COX16: variants seen among roughly 807,000 people sequenced by gnomAD.
The protein encoded by COX16 is cytochrome c oxidase assembly factor COX16.
Under a neutral mutation model 15.4 loss-of-function variants are expected in COX16, and 12 were observed. That is an observed-to-expected ratio of 0.78 (90% confidence interval 0.50 to 1.26). The LOEUF is 1.26. Among genes scored for constraint, COX16 ranks in the 50% most tolerant of loss-of-function variants. The probability of loss-of-function intolerance (pLI) is 0.00; values close to 1 mark genes in which losing one functional copy is unlikely to be tolerated. For synonymous variants in COX16, 46 were observed against 41.1 expected (o/e 1.12, Z -0.46); for missense variants, 124 against 127.6 (o/e 0.97, Z 0.14).
rs757894142 is a variant in COX16, at chr14:70,329,204, C to G, written c.174G>C (p.Glu58Asp). The change falls in exon 3 of 4, where the codon GAG becomes GAC. Residue 58 changes from glutamate to aspartate, a missense_variant. Coordinates refer to ENST00000389912, the MANE Select transcript of COX16 (RefSeq NM_016468.7). ...MDPELEKKLKENKISLESEYE... is the reference protein window; with the variant it reads ...MDPELEKKLKDNKISLESEYE... Reference sequence around the variant, plus strand: ...ATTCCGACTCTAAAGATATTTTATTCTCTTTCAGTTTTTTTTCAAGCTCAG... The same window carrying G: ...ATTCCGACTCTAAAGATATTTTATTGTCTTTCAGTTTTTTTTCAAGCTCAG... 1 of 1,598,700 alleles carries G rather than the reference C, an allele frequency of 6.3e-7. No individual in the cohort carries two copies. The highest frequency in any genetic ancestry group is 1.1e-5 in the South Asian group (1 of 90,046).
At chr14:70,353,257 CAA>C (rs200170156) in intron 1 of COX16, among the ~76,000 whole-genome samples, 2 of 126,270 alleles carry the variant, frequency 1.6e-5, no homozygotes, top group Non-Finnish European at 1.6e-5. Context: ...GAGACTCTGT[CAA>C]AAAAAAAAAA....
At chr14:70,354,128 A>C (rs1887052572) in intron 1 of COX16, among the ~76,000 whole-genome samples, 1 of 152,172 alleles carries the variant, frequency 6.6e-6, no homozygotes, top group African/African-American at 2.4e-5. Context: ...CCTGGGCAAC[A>C]CAGCAAGACC....
At position 70,329,170 on chromosome 14, in the gene COX16, G is replaced by A. The variant is rs369783451; in HGVS notation, c.204+4C>T. Reference sequence around the variant, plus strand: ...AAGACAGAGACTATATTAACATACCGTACCTCATATTCCGACTCTAAAGAT... The same window carrying A: ...AAGACAGAGACTATATTAACATACCATACCTCATATTCCGACTCTAAAGAT... On this transcript the variant is annotated splice_donor_region_variant and intron_variant, in intron 3 of 3. Transcript: ENST00000389912. 9.5e-5 allele frequency: 147 copies of A among 1,549,302 alleles called. No individual in the cohort carries two copies. The highest frequency in any genetic ancestry group is 3.3e-4 in the South Asian group (29 of 88,966).
intron 1 of COX16, among the ~76,000 whole-genome samples, chr14:70,354,158 C>T (rs1053419346): frequency 6.6e-6 from 1 of 151,104 alleles, no homozygotes; most frequent in Admixed American, 6.6e-5. Context: ...AAAAAAACAA[C>T]AATAATAATA....
intron 3 of COX16, among the ~76,000 whole-genome samples, chr14:70,328,409 C>T (rs1193877147): frequency 1.3e-5 from 2 of 151,996 alleles, no homozygotes; most frequent in Non-Finnish European, 2.9e-5. Flanking sequence ...TACAAAATGA[C>T]CAGACATATA....
intron 2 of COX16, among the ~76,000 whole-genome samples, chr14:70,330,664 A>T (rs981518226): frequency 1.3e-5 from 2 of 152,238 alleles, no homozygotes; most frequent in Admixed American, 1.3e-4. Flanking sequence ...TGGAAATCAC[A>T]ATGTAATTTG....
intron 1 of COX16, among the ~76,000 whole-genome samples, chr14:70,352,645 CTTTTTTTTTTT>C: frequency 1.2e-5 from 1 of 84,500 alleles, no homozygotes; most frequent in East Asian, 3.0e-4. Flanking sequence ...CTTTTTTTTT[CTTTTTTTTTTT>C]TTTTTTTGAG....
intron 1 of COX16, among the ~76,000 whole-genome samples, chr14:70,349,250 C>A (rs1437460878): frequency 6.6e-6 from 1 of 152,222 alleles, no homozygotes; most frequent in Non-Finnish European, 1.5e-5. Flanking sequence ...CGGCCACCGC[C>A]TTTTCCTACC....
chr14:70,333,979 ACTGTATC>A (rs1886369266), intron 2 of COX16, among the ~76,000 whole-genome samples: 1 of 152,190 alleles, frequency 6.6e-6, no homozygotes. Flanking sequence ...AACCAAAAAT[ACTGTATC>A]CAGCAAAGTT....
intron 1 of COX16, 120 bp downstream of exon 1, chr14:70,359,399 C>G: frequency 2.3e-6 from 2 of 885,556 alleles, no homozygotes; most frequent in Admixed American, 3.8e-5. Context: ...CCGTCGCTAG[C>G]TCCTTCCTAG....
At chr14:70,331,196 C>T (rs1179081631) in intron 2 of COX16, among the ~76,000 whole-genome samples, 1 of 152,026 alleles carries the variant, frequency 6.6e-6, no homozygotes, top group Non-Finnish European at 1.5e-5. Context: ...TTAGTAGAGA[C>T]GGGGTTTCAC....
At chr14:70,359,234 A>G (rs143985740) in intron 1 of COX16, 250 of 538,146 alleles carry the variant, frequency 4.6e-4, no homozygotes, top group African/African-American at 4.3e-3. Flanking sequence ...AATCAAGGGT[A>G]GTAACAATGA....
chr14:70,354,803 G>A (rs924903150), intron 1 of COX16, among the ~76,000 whole-genome samples: 2 of 151,008 alleles, frequency 1.3e-5, no homozygotes, highest in African/African-American at 4.9e-5. Flanking sequence ...GGAAGTTAGG[G>A]GAGTTTTGTG....
rs1341839303 is a variant in COX16 at position 70,326,063 on chromosome 14, C to T, written c.*270G>A. 1.0e-5 allele frequency: 2 copies of T among 192,902 alleles called. No individual in the cohort carries two copies. Among genetic ancestry groups the T allele is most frequent in the Non-Finnish European group, 2.1e-5 (2 of 95,526 alleles). 11.9% of individuals were successfully genotyped at this position (192,902 alleles called of 1,614,324 possible). A position where few individuals can be genotyped will look rare whatever the true frequency, so the allele number is the denominator to read the frequency against. On this transcript the variant is annotated 3_prime_UTR_variant, in exon 4 of 4. Coordinates refer to ENST00000389912, the MANE Select transcript of COX16 (RefSeq NM_016468.7). ...GGTAGTTGGAGAGTGGAATACGTGA[C>T]TCTGTTTTTGGAGCAGTATTCACAT...
intron 1 of COX16, among the ~76,000 whole-genome samples, chr14:70,345,478 C>T (rs1886750651): frequency 6.6e-6 from 1 of 152,152 alleles, no homozygotes; most frequent in Admixed American, 6.5e-5. Context: ...TCCTCCATTC[C>T]AAACAACAGC....
intron 2 of COX16, among the ~76,000 whole-genome samples, chr14:70,338,843 T>C (rs1005840696): frequency 3.3e-5 from 5 of 152,144 alleles, no homozygotes; most frequent in Non-Finnish European, 5.9e-5. Flanking sequence ...CATATCTGTT[T>C]TCACATTCCT....
At chr14:70,330,163 A>G (rs1886236931) in intron 2 of COX16, among the ~76,000 whole-genome samples, 1 of 152,144 alleles carries the variant, frequency 6.6e-6, no homozygotes, top group African/African-American at 2.4e-5. Flanking sequence ...TAAGAGAAAA[A>G]AGAGAAGTCA....
intron 2 of COX16, among the ~76,000 whole-genome samples, chr14:70,332,303 G>A (rs1886314952): frequency 6.6e-6 from 1 of 152,246 alleles, no homozygotes. Flanking sequence ...CAGCCCAGGA[G>A]TATAGGCCTC....
At chr14:70,331,400 C>A (rs183031833) in intron 2 of COX16, among the ~76,000 whole-genome samples, 1 of 151,762 alleles carries the variant, frequency 6.6e-6, no homozygotes, top group African/African-American at 2.4e-5. Context: ...TAAAAAGACT[C>A]CTAAAAAATA....
Sources: allele counts gnomAD v4.1 joint callset (sites outside exome capture counted in the v4.1 genomes callset), GRCh38; gene constraint gnomAD v4.1.1; transcripts MANE v1.5; gene names NCBI Gene and HGNC (gene_info 2026-07-23, HGNC 2026-07-21).